Variants in C3orf20 observed in about 807,000 individuals in gnomAD.
The protein encoded by C3orf20 is uncharacterized protein C3orf20.
C3orf20 carries 76 observed loss-of-function variants against 88.3 expected under a neutral mutation model. The observed-to-expected ratio is 0.86, with a 90% CI of 0.72 to 1.04. The LOEUF is 1.04. C3orf20 is among the 50% of genes least tolerant of loss of function. The probability of loss-of-function intolerance (pLI) is 0.00; values close to 1 mark genes in which losing one functional copy is unlikely to be tolerated. For missense variants in C3orf20, 1,056 were observed against 1,123.3 expected (o/e 0.94, Z 0.86); for synonymous variants, 436 against 437.4 (o/e 1.00, Z 0.04).
At chr3:14,698,298 T>G (rs538165264) in intron 5 of C3orf20, among the ~76,000 whole-genome samples, 141 of 152,308 alleles carry the variant, frequency 9.3e-4, no homozygotes, top group Middle Eastern at 3.4e-3. Context: ...TAGTTCATTT[T>G]GTGAAATCAT....
intron 12 of C3orf20, among the ~76,000 whole-genome samples, chr3:14,731,035 C>A (rs1176155084): frequency 6.6e-6 from 1 of 152,134 alleles, no homozygotes. Flanking sequence ...CCTATATATA[C>A]TCTGTTTTTC....
chr3:14,772,676 C>G lies in C3orf20; in HGVS notation c.2631-115C>G. The G allele has an allele frequency of 5.2e-6, 4 of 770,564 alleles. No individual in the cohort carries two copies. Among genetic ancestry groups the G allele is most frequent in the Non-Finnish European group, 8.7e-6 (4 of 458,162 alleles). The allele number at this position is 770,564 out of a possible 1,614,324, so 47.7% of individuals were successfully genotyped here. A position where few individuals can be genotyped will look rare whatever the true frequency, so the allele number is the denominator to read the frequency against. On this transcript the variant is annotated intron_variant, in intron 16 of 16. Transcript: ENST00000253697. The surrounding 1 kb of genome is among the most constrained non-coding windows in gnomAD (Gnocchi z 4.2). ...GCCCTCTGGTTGGAACAGCACCCAA[C>G]AGCCTCACCTGTGCAAGGGAGAGGG...
At chr3:14,725,348 T>C (rs2034310735) in intron 10 of C3orf20, among the ~76,000 whole-genome samples, 1 of 152,160 alleles carries the variant, frequency 6.6e-6, no homozygotes, top group South Asian at 2.1e-4. Flanking sequence ...GCTTGTTAAA[T>C]GGCTTCCCCA....
At chr3:14,765,805 G>A (rs902887861) in intron 15 of C3orf20, among the ~76,000 whole-genome samples, 20 of 152,340 alleles carry the variant, frequency 1.3e-4, no homozygotes, top group African/African-American at 4.8e-4. Flanking sequence ...TGTGGGCCTG[G>A]AATCTGTGAA....
chr3:14,739,305 T>C, intron 12 of C3orf20, among the ~76,000 whole-genome samples: 1 of 152,178 alleles, frequency 6.6e-6, no homozygotes, highest in Non-Finnish European at 1.5e-5. Flanking sequence ...ATCTTGTACA[T>C]CTCCATCAGA....
chr3:14,716,109 C>T (rs376318228), intron 9 of C3orf20, among the ~76,000 whole-genome samples: 27 of 152,262 alleles, frequency 1.8e-4, no homozygotes, highest in African/African-American at 5.3e-4. Flanking sequence ...TTTAGCATCC[C>T]ACTAGATTCC....
At chr3:14,759,772 A>T in intron 13 of C3orf20, 119 bp from the exon 14 acceptor site, 1 of 753,232 alleles carries the variant, frequency 1.3e-6, no homozygotes, top group Admixed American at 2.1e-5. Context: ...GGAGTTGGGG[A>T]GAGGGAGTTG....
intron 11 of C3orf20, among the ~76,000 whole-genome samples, chr3:14,727,734 G>A (rs1357643529): frequency 6.6e-6 from 1 of 152,148 alleles, no homozygotes; most frequent in East Asian, 1.9e-4. Flanking sequence ...CCTCCTTTGG[G>A]CTCCCATAGC....
intron 10 of C3orf20, among the ~76,000 whole-genome samples, chr3:14,724,951 T>C (rs2034296631): frequency 6.6e-6 from 1 of 152,132 alleles, no homozygotes; most frequent in Admixed American, 6.5e-5. Context: ...AAATGTAACA[T>C]AGGGACAAAC....
At chr3:14,723,819 TTTATTTTATTTTATTTTATTTTA>T (rs2034251387) in intron 10 of C3orf20, among the ~76,000 whole-genome samples, 1 of 92,002 alleles carries the variant, frequency 1.1e-5, no homozygotes, top group East Asian at 3.0e-4. Context: ...TTTATTTTAT[TTTATTTTATTTTATTTTATTTTA>T]TTGAGACCAA....
intron 12 of C3orf20, among the ~76,000 whole-genome samples, chr3:14,733,555 T>C (rs2034606959): frequency 6.6e-6 from 1 of 152,182 alleles, no homozygotes; most frequent in Non-Finnish European, 1.5e-5. Flanking sequence ...GGGATTTTCT[T>C]TCAGTGGAAG....
chr3:14,704,606 C>T lies in C3orf20; in HGVS notation c.1148C>T (p.Ser383Phe), dbSNP rs923789640. Residue 383 changes from serine (S) to phenylalanine (F), a missense_variant, in exon 7 of 17, where the codon TCC becomes TTC. By Grantham distance (155) the Ser-to-Phe change is radical. Coordinates refer to ENST00000253697, the MANE Select transcript of C3orf20 (RefSeq NM_032137.5). ...FKFHYTFYDG[S>F]SFVYYPSGNV... is the part of the protein sequence containing the mutation. Reference sequence around the variant, plus strand: ...TTTCATTACACCTTCTATGATGGCTCCTCCTTCGTTTAGTATCCTTTTATT... The same window carrying T: ...TTTCATTACACCTTCTATGATGGCTTCTCCTTCGTTTAGTATCCTTTTATT... 1.2e-6 allele frequency: 2 copies of T among 1,613,498 alleles called. No homozygotes were observed. Among genetic ancestry groups the T allele is most frequent in the Non-Finnish European group, 1.7e-6 (2 of 1,180,008 alleles).
intron 1 of C3orf20, among the ~76,000 whole-genome samples, chr3:14,677,847 G>A (rs1468228520): frequency 1.3e-5 from 2 of 152,266 alleles, no homozygotes; most frequent in African/African-American, 2.4e-5. Context: ...TGCTGTGGGT[G>A]CAGCTCACAT....
chr3:14,732,233 C>G (rs1379810971), intron 12 of C3orf20, among the ~76,000 whole-genome samples: 1 of 152,204 alleles, frequency 6.6e-6, no homozygotes, highest in Non-Finnish European at 1.5e-5. Flanking sequence ...TTGCATTTCC[C>G]TAATAACTAA....
intron 5 of C3orf20, among the ~76,000 whole-genome samples, chr3:14,699,171 A>C (rs1390137658): frequency 6.6e-6 from 1 of 152,118 alleles, no homozygotes; most frequent in Admixed American, 6.5e-5. Context: ...GTGCCCCAGG[A>C]CAGGTATAGA....
At chr3:14,696,974 A>G (rs973549201) in intron 5 of C3orf20, among the ~76,000 whole-genome samples, 28 of 152,064 alleles carry the variant, frequency 1.8e-4, no homozygotes, top group African/African-American at 6.8e-4. Context: ...TTTTTCCTTC[A>G]GCCCTTTAAA....
intron 12 of C3orf20, among the ~76,000 whole-genome samples, chr3:14,741,620 G>A (rs2034901193): frequency 6.6e-6 from 1 of 152,204 alleles, no homozygotes; most frequent in Non-Finnish European, 1.5e-5. Context: ...TGATTGTTCT[G>A]TGGGGATTCT....
intron 12 of C3orf20, among the ~76,000 whole-genome samples, chr3:14,729,130 T>C (rs1387527343): frequency 6.6e-6 from 1 of 152,190 alleles, no homozygotes; most frequent in Non-Finnish European, 1.5e-5. Context: ...ACAGTGGACA[T>C]TGAGGGTCAG....
chr3:14,695,117 G>A (rs1559401881), intron 5 of C3orf20, among the ~76,000 whole-genome samples: 1 of 152,008 alleles, frequency 6.6e-6, no homozygotes, highest in Non-Finnish European at 1.5e-5. Flanking sequence ...TTTGATGTAG[G>A]CACTTAACAG....
Sources: allele counts gnomAD v4.1 joint callset (sites outside exome capture counted in the v4.1 genomes callset), GRCh38; gene constraint gnomAD v4.1.1; non-coding constraint Gnocchi (gnomAD v3.1); transcripts MANE v1.5; gene names NCBI Gene and HGNC (gene_info 2026-07-23, HGNC 2026-07-21).